The following DNM3 variants were observed in gnomAD, a reference collection of about 807,000 sequenced individuals.
The protein encoded by DNM3 is dynamin 3, also known as dynamin-3.
A neutral mutation model predicts 101.6 loss-of-function variants in DNM3; 47 were observed. That is an observed-to-expected ratio of 0.46 (90% CI 0.37 to 0.59). The LOEUF is 0.59. Among genes scored for constraint, DNM3 ranks in the 20% least tolerant of loss-of-function variants. The probability of loss-of-function intolerance (pLI) is 0.00; values close to 1 mark genes in which losing one functional copy is unlikely to be tolerated. For missense variants in DNM3, 849 were observed against 1,085.7 expected, an observed-to-expected ratio of 0.78 and a Z score of 3.06; for synonymous variants, 385 against 387.9, an observed-to-expected ratio of 0.99 and a Z score of 0.09.
At chr1:172,282,311 A>G (rs2063520874) in intron 15 of DNM3, among the ~76,000 whole-genome samples, 1 of 152,186 alleles carries the variant, frequency 6.6e-6, no homozygotes, top group Admixed American at 6.5e-5. Flanking sequence ...CATTTTAATA[A>G]TAATCACTAC....
intron 2 of DNM3, among the ~76,000 whole-genome samples, chr1:171,980,811 C>A (rs927587467): frequency 2.8e-5 from 4 of 140,646 alleles, no homozygotes; most frequent in African/African-American, 1.1e-4. Context: ...CACTCTGTCA[C>A]TCAGGCTGGA....
intron 15 of DNM3, among the ~76,000 whole-genome samples, chr1:172,283,394 T>C (rs1238717536): frequency 1.3e-5 from 2 of 151,878 alleles, no homozygotes; most frequent in African/African-American, 4.8e-5. Context: ...TTATATTCTT[T>C]CTTGTGGCTA....
chr1:172,280,701 C>T (rs2063457704), intron 15 of DNM3, among the ~76,000 whole-genome samples: 1 of 152,054 alleles, frequency 6.6e-6, no homozygotes, highest in South Asian at 2.1e-4. Context: ...CAAAGAAATT[C>T]CAGGCTAGTA....
intron 4 of DNM3, among the ~76,000 whole-genome samples, chr1:172,031,503 G>A (rs564594673): frequency 1.7e-5 from 2 of 117,358 alleles, no homozygotes; most frequent in African/African-American, 6.4e-5. Context: ...AACCACCACG[G>A]CACTCGTATA....
intron 17 of DNM3, among the ~76,000 whole-genome samples, chr1:172,333,118 C>T (rs12045298): frequency 0.5 from 76,131 of 151,988 alleles, 21,526 homozygotes; most frequent in African/African-American, 0.78. Flanking sequence ...TGTACAAGTG[C>T]TTCTGTATTT....
intron 14 of DNM3, among the ~76,000 whole-genome samples, chr1:172,203,584 C>T (rs191935443): frequency 1.4e-4 from 22 of 152,256 alleles, no homozygotes; most frequent in Middle Eastern, 3.4e-3. Context: ...GAAGTAGACT[C>T]ATGTTATTTC....
At chr1:172,330,661 G>A (rs2148932231) in intron 17 of DNM3, among the ~76,000 whole-genome samples, 1 of 152,132 alleles carries the variant, frequency 6.6e-6, no homozygotes, top group East Asian at 1.9e-4. Flanking sequence ...ACCATCCTTT[G>A]TGTAACTTTC....
In DNM3 at chr1:172,388,646, C is replaced by T. The variant is rs2069338888; in HGVS notation, c.2359C>T (p.Arg787Ter). Residue 787 changes from arginine (R) to a stop codon, truncating the protein, a stop_gained, in exon 20 of 21, where the codon CGA becomes TGA. Transcript: ENST00000627582. LOFTEE classifies it high-confidence loss of function. ...SAPLARPTSG[R>*]GPAPAIPSPG... ...TCCCCTCGCAAGGCCCACATCCGGC[C>T]GAGGACCAGCTCCTGCCATTCCCTC... is the stretch of plus-strand genomic sequence containing the variant. 3.7e-6 allele frequency: 6 copies of T among 1,613,988 alleles called. No individual in the cohort carries two copies. The highest frequency in any genetic ancestry group is 1.1e-5 in the South Asian group (1 of 91,084).
At chr1:172,262,989 A>G (rs2062724188) in intron 15 of DNM3, among the ~76,000 whole-genome samples, 1 of 152,118 alleles carries the variant, frequency 6.6e-6, no homozygotes, top group South Asian at 2.1e-4. Flanking sequence ...TGCGGGGAGG[A>G]GGCAATTGAT....
At chr1:172,113,079 T>G (rs1471421814) in intron 13 of DNM3, among the ~76,000 whole-genome samples, 2 of 152,184 alleles carry the variant, frequency 1.3e-5, no homozygotes, top group Non-Finnish European at 2.9e-5. Context: ...TGTGGGGTAT[T>G]TACTGAAAGT....
intron 18 of DNM3, among the ~76,000 whole-genome samples, chr1:172,381,206 T>G (rs1010716979): frequency 6.6e-6 from 1 of 151,836 alleles, no homozygotes; most frequent in African/African-American, 2.4e-5. Flanking sequence ...TCCTCGGAGG[T>G]AAAGTTCTGA....
chr1:172,058,469 A>C (rs565966961), intron 10 of DNM3, among the ~76,000 whole-genome samples: 13 of 151,770 alleles, frequency 8.6e-5, no homozygotes, highest in African/African-American at 3.1e-4. Context: ...AGCAAATGTA[A>C]AAGAACAGAA....
intron 14 of DNM3, among the ~76,000 whole-genome samples, chr1:172,165,158 C>T (rs531539706): frequency 3.3e-5 from 5 of 152,126 alleles, no homozygotes; most frequent in Admixed American, 6.6e-5. Flanking sequence ...TAACCTGATT[C>T]CTTTTTCAAA....
intron 1 of DNM3, among the ~76,000 whole-genome samples, chr1:171,857,858 G>T (rs1339110463): frequency 1.3e-5 from 2 of 152,148 alleles, no homozygotes; most frequent in East Asian, 3.9e-4. Flanking sequence ...AGGTCATAAG[G>T]GTGAGGCCCT....
intron 4 of DNM3, among the ~76,000 whole-genome samples, chr1:171,996,383 G>A (rs2045996205): frequency 6.6e-6 from 1 of 152,122 alleles, no homozygotes. Flanking sequence ...GAATACTAGA[G>A]GTTGGTATGG....
At chr1:172,417,085 G>T (rs6699286), downstream of DNM3, among the ~76,000 whole-genome samples, 5 of 145,700 alleles carry the variant, frequency 3.4e-5, no homozygotes, top group Admixed American at 2.0e-4. Flanking sequence ...TTTTGTTTTT[G>T]TTTTTTTTTT....
chr1:171,843,041 T>C lies in DNM3; in HGVS notation c.161+1224T>C, dbSNP rs1392487465. On this transcript the variant is annotated intron_variant, in intron 1 of 20. Coordinates refer to ENST00000627582, the MANE Select transcript of DNM3 (RefSeq NM_015569.5). The stretch of plus-strand genomic sequence containing the variant: ...GAAGGTTCCTGTTTCTGTTCCTTTT[T>C]TCTTTTTTTGTTAGTGCTTGGTGAT... Among the ~76,000 whole-genome samples, 3 of 152,236 alleles carry C rather than the reference T, an allele frequency of 2.0e-5. No homozygotes were observed. In the East Asian group the frequency reaches 5.8e-4, roughly 29 times the overall value.
intron 14 of DNM3, among the ~76,000 whole-genome samples, chr1:172,198,116 A>G (rs533615280): frequency 6.6e-6 from 1 of 152,204 alleles, no homozygotes; most frequent in African/African-American, 2.4e-5. Flanking sequence ...TTTAACATGA[A>G]GGGGTGTTGA....
At chr1:172,303,532 C>T (rs1225168134) in intron 15 of DNM3, among the ~76,000 whole-genome samples, 1 of 152,084 alleles carries the variant, frequency 6.6e-6, no homozygotes, top group Non-Finnish European at 1.5e-5. Context: ...CAGAGAACAC[C>T]ACAAAGATAC....
Sources: gnomAD v4.1 joint callset for allele counts (sites outside exome capture counted in the v4.1 genomes callset) on GRCh38, gnomAD v4.1.1 for gene constraint, MANE v1.5 for transcripts, NCBI Gene and HGNC (gene_info 2026-07-23, HGNC 2026-07-21) for gene names.